NRXN1: variants seen among roughly 807,000 people sequenced by gnomAD.
The protein encoded by NRXN1 is neurexin-1.
NRXN1 carries 39 observed loss-of-function variants against 150.9 expected under a neutral mutation model. That is an observed-to-expected ratio of 0.26 (90% confidence interval 0.20 to 0.34). The LOEUF is 0.34. Among genes scored for constraint, NRXN1 ranks in the 10% least tolerant of loss-of-function variants. The probability of loss-of-function intolerance (pLI) is 1.00; values close to 1 mark genes in which losing one functional copy is unlikely to be tolerated. For missense variants in NRXN1, 1,815 were observed against 1,949.9 expected (o/e 0.93, Z 1.30); for synonymous variants, 924 against 757.0 (o/e 1.22, Z -3.62).
intron 15 of NRXN1, among the ~76,000 whole-genome samples, chr2:50,480,767 G>T (rs992160615): frequency 6.6e-6 from 1 of 152,106 alleles, no homozygotes. Context: ...ACATCTAACA[G>T]TATATTGCTT....
In NRXN1 at chr2:50,149,494, A is replaced by G. The variant is rs137993188; in HGVS notation, c.3547-58000T>C. On this transcript the variant is annotated intron_variant, in intron 18 of 22. Transcript: ENST00000401669. ...ATACCATATCATATCCTCATGACCT[A>G]GTGTCAATGTGACTATGATGGAAGC... 3.3e-5 allele frequency among the ~76,000 whole-genome samples: 5 copies of G among 151,880 alleles called. 1 individual carries two copies. The East Asian group carries it at 9.7e-4, about 29-fold the overall frequency.
intron 17 of NRXN1, among the ~76,000 whole-genome samples, chr2:50,455,242 T>G (rs2087430491): frequency 6.6e-6 from 1 of 152,056 alleles, no homozygotes; most frequent in South Asian, 2.1e-4. Context: ...ATTGAGATAG[T>G]GGAGAGAGAA....
chr2:50,666,878 G>GGTGT (rs1559097612), intron 5 of NRXN1, among the ~76,000 whole-genome samples: 1 of 128,780 alleles, frequency 7.8e-6, no homozygotes, highest in African/African-American at 2.9e-5. Flanking sequence ...TGATGATGAT[G>GGTGT]ATGTGTGTGT....
chr2:50,020,761 T>C (rs1302538403), intron 21 of NRXN1, among the ~76,000 whole-genome samples: 1 of 152,204 alleles, frequency 6.6e-6, no homozygotes, highest in Non-Finnish European at 1.5e-5. Flanking sequence ...AAAGAAATTC[T>C]CTCTTTAAAA....
chr2:50,173,691 T>C (rs1477869238), intron 18 of NRXN1, among the ~76,000 whole-genome samples: 1 of 152,224 alleles, frequency 6.6e-6, no homozygotes, highest in African/African-American at 2.4e-5. Context: ...TATTTTATAC[T>C]GCTACTGCCT....
chr2:50,182,672 C>G (rs2060810511), intron 18 of NRXN1, among the ~76,000 whole-genome samples: 1 of 151,982 alleles, frequency 6.6e-6, no homozygotes, highest in Non-Finnish European at 1.5e-5. Flanking sequence ...TGTCGCCATC[C>G]TCTACAATGC....
chr2:50,092,959 A>T (rs958023318), intron 18 of NRXN1, among the ~76,000 whole-genome samples: 5 of 152,186 alleles, frequency 3.3e-5, no homozygotes, highest in Admixed American at 1.3e-4. Flanking sequence ...AATAAAGATA[A>T]CTTATTATGT....
intron 2 of NRXN1, among the ~76,000 whole-genome samples, chr2:50,945,673 C>T (rs1298233886): frequency 2.0e-5 from 3 of 151,576 alleles, no homozygotes; most frequent in Admixed American, 2.0e-4. Context: ...ATACAGCATA[C>T]TGTATAATCT....
intron 17 of NRXN1, among the ~76,000 whole-genome samples, chr2:50,450,884 G>A (rs1330231693): frequency 6.6e-6 from 1 of 152,198 alleles, no homozygotes. Flanking sequence ...CTCATGAAAA[G>A]TTACTTTCAC....
At chr2:50,251,459 T>C (rs1177736139) in intron 17 of NRXN1, among the ~76,000 whole-genome samples, 1 of 152,128 alleles carries the variant, frequency 6.6e-6, no homozygotes, top group Non-Finnish European at 1.5e-5. Context: ...GTTCCATGTC[T>C]TTGCTGTTGT....
At position 50,995,486 on chromosome 2, in the gene NRXN1, T is replaced by C. The variant is rs187410611; in HGVS notation, c.772+32016A>G. ...CTGGTGTGGCAGTGCACACCTGTAG[T>C]CCCAACTACTGTGGAGCCTGAGGCA... On this transcript the variant is annotated intron_variant, in intron 2 of 22. Coordinates refer to ENST00000401669, the MANE Select transcript of NRXN1 (RefSeq NM_001330078.2). Among the ~76,000 whole-genome samples, 96 of 151,462 alleles carry C rather than the reference T, an allele frequency of 6.3e-4. 1 individual carries two copies. The highest frequency in any genetic ancestry group is 2.3e-3 in the African/African-American group (93 of 41,288).
intron 18 of NRXN1, among the ~76,000 whole-genome samples, chr2:50,129,093 G>GA (rs1705075133): frequency 6.6e-6 from 1 of 152,130 alleles, no homozygotes; most frequent in Non-Finnish European, 1.5e-5. Flanking sequence ...AAAACCCTAT[G>GA]ATTTTGCTGA....
At chr2:51,016,127 A>T (rs1426699793) in intron 2 of NRXN1, among the ~76,000 whole-genome samples, 1 of 152,140 alleles carries the variant, frequency 6.6e-6, no homozygotes, top group Non-Finnish European at 1.5e-5. Flanking sequence ...TGGGGAAAGG[A>T]TTCCCTATTT....
At chr2:50,261,916 A>G (rs908442052) in intron 17 of NRXN1, among the ~76,000 whole-genome samples, 6 of 151,858 alleles carry the variant, frequency 4.0e-5, no homozygotes, top group African/African-American at 1.4e-4. Flanking sequence ...TATTGAAACT[A>G]TACAATAATC....
At chr2:50,462,889 G>A (rs961760227) in intron 17 of NRXN1, among the ~76,000 whole-genome samples, 21 of 151,816 alleles carry the variant, frequency 1.4e-4, no homozygotes, top group African/African-American at 5.1e-4. Flanking sequence ...CCTTATCAGC[G>A]AGATGACATT....
chr2:50,153,042 C>T (rs1245207288), intron 18 of NRXN1, among the ~76,000 whole-genome samples: 2 of 151,572 alleles, frequency 1.3e-5, no homozygotes, highest in African/African-American at 4.8e-5. Context: ...TCCTCAGACT[C>T]AGTAATTTCA....
chr2:50,485,292 C>T (rs1301055495), intron 15 of NRXN1, among the ~76,000 whole-genome samples: 2 of 152,124 alleles, frequency 1.3e-5, no homozygotes, highest in African/African-American at 4.8e-5. Flanking sequence ...GGTTCTAAGG[C>T]CCTTGAACCC....
rs200179227 is a variant in NRXN1 at position 49,920,980 on chromosome 2, T to C, written c.*964A>G. The C allele has an allele frequency of 1.6e-5, 2 of 125,984 alleles. No individual in the cohort carries two copies. Among genetic ancestry groups the C allele is most frequent in the Admixed American group, 1.6e-4 (2 of 12,306 alleles). 7.8% of individuals were successfully genotyped at this position (125,984 alleles called of 1,614,324 possible). On this transcript the variant is annotated 3_prime_UTR_variant, in exon 23 of 23. Coordinates refer to ENST00000401669, the MANE Select transcript of NRXN1 (RefSeq NM_001330078.2). Reference sequence around the variant, plus strand: ...TAATTTCTTTAAAAAATAAAAGTAATTGTGGCAATTTATAATGGTGGCAAA... The same window carrying C: ...TAATTTCTTTAAAAAATAAAAGTAACTGTGGCAATTTATAATGGTGGCAAA...
At chr2:50,977,115 A>G (rs1231655199) in intron 2 of NRXN1, among the ~76,000 whole-genome samples, 1 of 151,962 alleles carries the variant, frequency 6.6e-6, no homozygotes, top group Non-Finnish European at 1.5e-5. Context: ...GTGAAGTTCA[A>G]TACCTCTTGG....
Sources: gnomAD v4.1 joint callset for allele counts (sites outside exome capture counted in the v4.1 genomes callset) on GRCh38, gnomAD v4.1.1 for gene constraint, MANE v1.5 for transcripts, NCBI Gene and HGNC (gene_info 2026-07-23, HGNC 2026-07-21) for gene names.